YY1: variants seen among roughly 807,000 people sequenced by gnomAD.
YY1 encodes transcriptional repressor protein YY1.
In YY1, 2 loss-of-function variants were observed where a neutral mutation model predicts 35.6. That is an observed-to-expected ratio of 0.06 (90% CI 0.02 to 0.18). The LOEUF (loss-of-function observed/expected upper bound fraction) is 0.18. Among genes scored for constraint, YY1 ranks in the 10% least tolerant of loss-of-function variants. YY1 has a pLI of 1.00. For synonymous variants in YY1, 268 were observed against 238.9 expected (o/e 1.12, Z -1.12); for missense variants, 322 against 573.4 (o/e 0.56, Z 4.48).
chr14:100,268,362 T>C (rs1254411593), intron 2 of YY1, among the ~76,000 whole-genome samples: 3 of 152,362 alleles, frequency 2.0e-5, no homozygotes, highest in South Asian at 4.1e-4. Context: ...GGACAGTCTA[T>C]GGATGACTTT....
In YY1 at chr14:100,262,326, T is replaced by C; in HGVS notation, c.702T>C (p.His234=). The C allele has an allele frequency of 1.2e-6, 2 of 1,612,176 alleles. No individual in the cohort carries two copies. Among genetic ancestry groups the C allele is most frequent in the East Asian group, 4.5e-5 (2 of 44,850 alleles). The change falls in exon 2 of 5, where the codon CAT becomes CAC. Residue 234 remains histidine, a synonymous_variant. Coordinates refer to ENST00000262238, the MANE Select transcript of YY1 (RefSeq NM_003403.5). ...CAGATGAAAAAAAAGATATTGACCA[T>C]GAGACAGTGGTTGAAGAACAGATCA... is the stretch of plus-strand genomic sequence containing the variant. ...WSSDEKKDID[H]ETVVEEQIIG...
intron 1 of YY1, among the ~76,000 whole-genome samples, chr14:100,240,775 G>A (rs1198457710): frequency 6.6e-6 from 1 of 152,106 alleles, no homozygotes; most frequent in East Asian, 1.9e-4. Context: ...ATAATTCTTA[G>A]TCACTTACGT....
At chr14:100,252,932 T>C (rs1890945680) in intron 1 of YY1, among the ~76,000 whole-genome samples, 1 of 151,824 alleles carries the variant, frequency 6.6e-6, no homozygotes, top group Admixed American at 6.6e-5. Flanking sequence ...TCTCAACTAC[T>C]GGTGGAGTGG....
In YY1 at chr14:100,277,717, AC is replaced by A. The variant is rs1891344021; in HGVS notation, c.*118del. On this transcript the variant is annotated 3_prime_UTR_variant, in exon 5 of 5. Coordinates refer to ENST00000262238, the MANE Select transcript of YY1 (RefSeq NM_003403.5). The surrounding 1 kb of genome is among the most constrained non-coding windows in gnomAD (Gnocchi z 5.6). ...AGGAAGAATTTTAAAAATGAATCCT[AC>A]ACACCTAAGGGACATGTTTTGATAA... The A allele has an allele frequency of 8.6e-7, 1 of 1,157,662 alleles. No individual in the cohort carries two copies. The highest frequency in any genetic ancestry group is 1.5e-5 in the African/African-American group (1 of 65,042). The allele number at this position is 1,157,662 out of a possible 1,614,324, so 71.7% of individuals were successfully genotyped here. A position where few individuals can be genotyped will look rare whatever the true frequency, so the allele number is the denominator to read the frequency against.
Position 100,239,402 on chromosome 14 carries a change from A to G in YY1, c.158A>G (p.Asp53Gly). The change falls in exon 1 of 5, where the codon GAC becomes GGC. Residue 53 changes from aspartate to glycine, a missense_variant. By Grantham distance (94) the Asp-to-Gly change is moderately conservative (BLOSUM62 -1). This residue lies in a region of YY1 where 137 missense variants were observed against 167.0 expected (regional missense o/e 0.82). Coordinates refer to ENST00000262238, the MANE Select transcript of YY1 (RefSeq NM_003403.5). The stretch of plus-strand genomic sequence containing the variant: ...GAGGAGGAGGACGACGACGACGAGG[A>G]CGGCGGCGGTGGCGACCACGGCGGC... ...EEEEEDDDDE[D>G]GGGGDHGGGG... 2 of 1,596,614 alleles carry G rather than the reference A, an allele frequency of 1.3e-6. No homozygotes were observed. Among genetic ancestry groups the G allele is most frequent in the South Asian group, 1.1e-5 (1 of 89,746 alleles).
chr14:100,273,729 AAAAG>A (rs1021590953), intron 2 of YY1, among the ~76,000 whole-genome samples: 1 of 152,132 alleles, frequency 6.6e-6, no homozygotes, highest in African/African-American at 2.4e-5. Context: ...ACTAGGGACA[AAAAG>A]AAAATCTGTT....
At position 100,239,182 on chromosome 14, in the gene YY1, C is replaced by A; in HGVS notation, c.-63C>A. On this transcript the variant is annotated 5_prime_UTR_variant, in exon 1 of 5. Transcript: ENST00000262238. ...CCTTCCCCACGGCCGGCCGCCTCCT[C>A]GCCCGCCCGCCCGCAGCCGAGGAGC... is the stretch of plus-strand genomic sequence containing the variant. 1.5e-6 allele frequency: 2 copies of A among 1,331,508 alleles called. No homozygotes were observed. The highest frequency in any genetic ancestry group is 1.9e-6 in the Non-Finnish European group (2 of 1,048,066). The allele number at this position is 1,331,508 out of a possible 1,614,324, so 82.5% of individuals were successfully genotyped here.
chr14:100,279,464 A>T lies in YY1; in HGVS notation c.*1864A>T, dbSNP rs147227195. The T allele has an allele frequency of 1.3e-4, 20 of 152,252 alleles. No homozygotes were observed. Among genetic ancestry groups the T allele is most frequent in the Middle Eastern group, 6.8e-3 (2 of 294 alleles). The allele number at this position is 152,252 out of a possible 1,614,324, so 9.4% of individuals were successfully genotyped here. A position where few individuals can be genotyped will look rare whatever the true frequency, so the allele number is the denominator to read the frequency against. ...TCATGAATGAAACATTTAACTTGAG[A>T]CCCTTTAAAAAATTCATCCAGAATC... On this transcript the variant is annotated 3_prime_UTR_variant, in exon 5 of 5. Transcript: ENST00000262238.
At chr14:100,245,019 C>T (rs1890810709) in intron 1 of YY1, among the ~76,000 whole-genome samples, 1 of 152,152 alleles carries the variant, frequency 6.6e-6, no homozygotes, top group African/African-American at 2.4e-5. Flanking sequence ...TCACTGCAAG[C>T]TCCACCTCCC....
chr14:100,272,343 A>G (rs1468786752), intron 2 of YY1, among the ~76,000 whole-genome samples: 1 of 151,952 alleles, frequency 6.6e-6, no homozygotes, highest in Non-Finnish European at 1.5e-5. Context: ...GTTCTCGTAG[A>G]ATTTAAAATA....
chr14:100,261,594 G>C (rs189537137), intron 1 of YY1, among the ~76,000 whole-genome samples: 61 of 152,330 alleles, frequency 4.0e-4, no homozygotes, highest in African/African-American at 1.3e-3. Context: ...GCAGCTTACA[G>C]TCTAGTGGGA....
rs1237237222 is a variant in YY1 at position 100,277,886 on chromosome 14, A to G, written c.*286A>G. On this transcript the variant is annotated 3_prime_UTR_variant, in exon 5 of 5. Coordinates refer to ENST00000262238, the MANE Select transcript of YY1 (RefSeq NM_003403.5). The surrounding 1 kb of genome is among the most constrained non-coding windows in gnomAD (Gnocchi z 5.6). ...AGGACAATTCATGAACTTCGCATCAAAAGACAATTCTTTATACAACAGTGC... is the reference window on the plus strand; with the variant it reads ...AGGACAATTCATGAACTTCGCATCAGAAGACAATTCTTTATACAACAGTGC... 7 of 401,186 alleles carry G rather than the reference A, an allele frequency of 1.7e-5. No individual in the cohort carries two copies. Among genetic ancestry groups the G allele is most frequent in the South Asian group, 8.8e-5 (3 of 34,276 alleles). The allele number at this position is 401,186 out of a possible 1,614,324, so 24.9% of individuals were successfully genotyped here.
intron 1 of YY1, among the ~76,000 whole-genome samples, chr14:100,252,797 G>A (rs2043755418): frequency 6.6e-6 from 1 of 152,166 alleles, no homozygotes; most frequent in African/African-American, 2.4e-5. Context: ...CAGGGATTTG[G>A]GAGGCCAAGG....
Position 100,277,245 on chromosome 14 carries a change from G to T in YY1, c.1063-173G>T. ...TGAGGGCTCTCCTTGGGTTTTCGGG[G>T]TTGTCCAACCTGCCTGCTGATTCTA... On this transcript the variant is annotated intron_variant, in intron 4 of 4. Coordinates refer to ENST00000262238, the MANE Select transcript of YY1 (RefSeq NM_003403.5). This position sits in a 1 kb window ranked among gnomAD's most constrained non-coding sequence, Gnocchi z 5.6. 2 of 811,834 alleles carry T rather than the reference G, an allele frequency of 2.5e-6. No homozygotes were observed. Among genetic ancestry groups the T allele is most frequent in the South Asian group, 3.0e-5 (2 of 65,980 alleles). The allele number at this position is 811,834 out of a possible 1,614,324, so 50.3% of individuals were successfully genotyped here.
chr14:100,262,174 AG>A, intron 1 of YY1, 129 bp from the exon 2 acceptor site: 1 of 895,052 alleles, frequency 1.1e-6, no homozygotes, highest in Non-Finnish European at 1.7e-6. Flanking sequence ...AAAAAAAAAA[AG>A]GGAGAGGGGA....
Position 100,276,242 on chromosome 14 carries a change from A to G in YY1, c.904-248A>G. 2.0e-6 allele frequency: 1 copy of G among 509,620 alleles called. No homozygotes were observed. The highest frequency in any genetic ancestry group is 3.5e-6 in the Non-Finnish European group (1 of 286,126). The allele number at this position is 509,620 out of a possible 1,614,324, so 31.6% of individuals were successfully genotyped here. On this transcript the variant is annotated intron_variant, in intron 3 of 4. Coordinates refer to ENST00000262238, the MANE Select transcript of YY1 (RefSeq NM_003403.5). This position sits in a 1 kb window ranked among gnomAD's most constrained non-coding sequence, Gnocchi z 4.1. ...TAGTAGTGTGACCTTGGGCAAGTCT[A>G]CTTAAAGACATCTCTAAGCCTCAGT...
chr14:100,242,378 G>GTTT (rs57406488), intron 1 of YY1, among the ~76,000 whole-genome samples: 1 of 109,936 alleles, frequency 9.1e-6, no homozygotes, highest in Non-Finnish European at 1.9e-5. Context: ...TTTGTTTTTT[G>GTTT]TTTTTTTTTT....
At chr14:100,264,675 T>C (rs1891128714) in intron 2 of YY1, among the ~76,000 whole-genome samples, 1 of 152,130 alleles carries the variant, frequency 6.6e-6, no homozygotes, top group African/African-American at 2.4e-5. Context: ...GAGCGTTAAC[T>C]TGGGAGAAGT....
chr14:100,248,111 A>ATTTTT (rs966925892), intron 1 of YY1, among the ~76,000 whole-genome samples: 1 of 75,896 alleles, frequency 1.3e-5, no homozygotes, highest in Non-Finnish European at 2.5e-5. Context: ...CGCCCGGCTA[A>ATTTTT]TTTTTTTTTC....
Sources: allele counts gnomAD v4.1 joint callset (sites outside exome capture counted in the v4.1 genomes callset), GRCh38; gene constraint gnomAD v4.1.1; regional missense constraint gnomAD v4.1.1; non-coding constraint Gnocchi (gnomAD v3.1); transcripts MANE v1.5; gene names NCBI Gene and HGNC (gene_info 2026-07-23, HGNC 2026-07-21).